ASAH2: variants seen among roughly 807,000 people sequenced by gnomAD.
ASAH2 encodes the protein neutral ceramidase.
ASAH2 carries 58 observed loss-of-function variants against 82.9 expected under a neutral mutation model. The ratio of observed to expected loss-of-function variants is 0.70; its 90% CI spans 0.57 to 0.87. ASAH2 has a LOEUF of 0.87. ASAH2 is among the 40% of genes least tolerant of loss of function. ASAH2 has a pLI of 0.00. For synonymous variants in ASAH2, 276 were observed against 289.7 expected, an observed-to-expected ratio of 0.95 and a Z score of 0.48; for missense variants, 779 against 834.0, an observed-to-expected ratio of 0.93 and a Z score of 0.81.
chr10:50,243,202 C>T lies in ASAH2; in HGVS notation c.510G>A (p.Glu170=). 1 of 1,613,834 alleles carries T rather than the reference C, an allele frequency of 6.2e-7. No homozygotes were observed. Among genetic ancestry groups the T allele is most frequent in the Non-Finnish European group, 8.5e-7 (1 of 1,179,876 alleles). ...IGMVSQRLRL[E]VLNRLQSKYG... ...TCATTTCTCCTCTCAAATCACTTAC[C>T]TCCAGCCTGAGCCTTTGTGATACCA... The change falls in exon 4 of 21, where the codon GAG becomes GAA. Residue 170 remains glutamate (E), a splice_region_variant and synonymous_variant. Coordinates refer to ENST00000682911, the MANE Select transcript of ASAH2 (RefSeq NM_019893.4).
chr10:50,210,923 A>C lies in ASAH2; in HGVS notation c.1333-19T>G. ...TTTTTGACTAAAGGAAAAGTTTTAA[A>C]AACAAAACAAAAATGAAAAAGACAA... On this transcript the variant is annotated intron_variant, in intron 11 of 20. Coordinates refer to ENST00000682911, the MANE Select transcript of ASAH2 (RefSeq NM_019893.4). The C allele has an allele frequency of 3.1e-6, 5 of 1,611,758 alleles. No individual in the cohort carries two copies. Among genetic ancestry groups the C allele is most frequent in the Non-Finnish European group, 4.2e-6 (5 of 1,177,894 alleles).
chr10:50,197,703 T>C (rs979359066), intron 17 of ASAH2, among the ~76,000 whole-genome samples: 6 of 151,966 alleles, frequency 3.9e-5, no homozygotes, highest in African/African-American at 1.4e-4. Context: ...ATAGCTAGTT[T>C]TAAGGTGCTT....
At chr10:50,226,991 A>G (rs1845903852) in intron 7 of ASAH2, among the ~76,000 whole-genome samples, 1 of 152,198 alleles carries the variant, frequency 6.6e-6, no homozygotes, top group African/African-American at 2.4e-5. Context: ...ATCCAAAAAA[A>G]GTAAGAGATG....
intron 16 of ASAH2, among the ~76,000 whole-genome samples, chr10:50,200,712 C>T (rs1391010405): frequency 6.6e-6 from 1 of 152,012 alleles, no homozygotes; most frequent in East Asian, 1.9e-4. Context: ...CATTATGCCC[C>T]AGAAAGTGGC....
chr10:50,205,050 T>C, intron 13 of ASAH2, 95 bp from the exon 14 acceptor site: 1 of 815,422 alleles, frequency 1.2e-6, no homozygotes. Flanking sequence ...TAGTTTCTAA[T>C]TTATGATGTA....
chr10:50,250,091 C>T (rs986316), intron 1 of ASAH2, among the ~76,000 whole-genome samples: 8,543 of 152,212 alleles, frequency 0.056, 468 homozygotes, highest in African/African-American at 0.13. Flanking sequence ...TAAAATAATT[C>T]GTAAAATATG....
At chr10:50,208,110 C>T (rs1464631203) in intron 12 of ASAH2, among the ~76,000 whole-genome samples, 1 of 151,772 alleles carries the variant, frequency 6.6e-6, no homozygotes, top group African/African-American at 2.4e-5. Flanking sequence ...AAAACTAATA[C>T]CATTTTATGA....
chr10:50,245,086 C>T lies in ASAH2; in HGVS notation c.360+136G>A, dbSNP rs1174174817. On this transcript the variant is annotated intron_variant, in intron 3 of 20. Coordinates refer to ENST00000682911, the MANE Select transcript of ASAH2 (RefSeq NM_019893.4). ...TCCTTCTAGTATGAAATTCATAGTG[C>T]TAGACAGCAGCAAGGTCAATTAAAA... 5 of 782,180 alleles carry T rather than the reference C, an allele frequency of 6.4e-6. No homozygotes were observed. The Admixed American group carries it at 9.3e-5, about 15-fold the overall frequency. The allele number at this position is 782,180 out of a possible 1,614,324, so 48.5% of individuals were successfully genotyped here.
At chr10:50,250,436 T>C (rs2133238904) in intron 1 of ASAH2, among the ~76,000 whole-genome samples, 1 of 152,298 alleles carries the variant, frequency 6.6e-6, no homozygotes, top group Non-Finnish European at 1.5e-5. Flanking sequence ...CAGGGACAAC[T>C]TCAAATGTGG....
chr10:50,215,871 T>C (rs1053582556), intron 8 of ASAH2, among the ~76,000 whole-genome samples: 2 of 152,192 alleles, frequency 1.3e-5, no homozygotes, highest in African/African-American at 4.8e-5. Flanking sequence ...CGTATGTTTA[T>C]TGCAGCACTA....
intron 16 of ASAH2, among the ~76,000 whole-genome samples, chr10:50,200,532 G>C (rs1449835261): frequency 2.0e-5 from 3 of 151,940 alleles, no homozygotes; most frequent in East Asian, 1.9e-4. Flanking sequence ...ACATCTTCCT[G>C]AACAGTCCCA....
chr10:50,230,738 G>T (rs1306164958), intron 7 of ASAH2, among the ~76,000 whole-genome samples: 1 of 152,048 alleles, frequency 6.6e-6, no homozygotes, highest in Admixed American at 6.6e-5. Context: ...TTCTGTTCCA[G>T]TTATTAAATG....
At chr10:50,217,818 C>T (rs1388150230) in intron 8 of ASAH2, among the ~76,000 whole-genome samples, 1 of 152,092 alleles carries the variant, frequency 6.6e-6, no homozygotes, top group Non-Finnish European at 1.5e-5. Context: ...GGACTCTTAT[C>T]CCATTATATA....
intron 4 of ASAH2, chr10:50,240,411 A>G: frequency 1.4e-6 from 1 of 701,466 alleles, no homozygotes; most frequent in South Asian, 1.5e-5. Flanking sequence ...ATCTCTTTAA[A>G]GAATCTGCTA....
chr10:50,220,531 A>G (rs1437326794), intron 7 of ASAH2, among the ~76,000 whole-genome samples: 2 of 152,012 alleles, frequency 1.3e-5, no homozygotes, highest in African/African-American at 4.8e-5. Context: ...CAAACACAGG[A>G]ACAGAAAACC....
Position 50,243,290 on chromosome 10 carries a change from G to A in ASAH2, c.422C>T (p.Ala141Val). ...CCCATCAGGTTCTGCCATGATGAAGGCACGACTGTATAGCCTGGTGAGGAT... is the reference window on the plus strand; with the variant it reads ...CCCATCAGGTTCTGCCATGATGAAGACACGACTGTATAGCCTGGTGAGGAT... ...QGILTRLYSR[A>V]FIMAEPDGSN... Residue 141 changes from alanine (A) to valine (V), a missense_variant, in exon 4 of 21, where the codon GCC (alanine) becomes GTC (valine). Transcript: ENST00000682911. 1 of 1,614,102 alleles carries A rather than the reference G, an allele frequency of 6.2e-7. No individual in the cohort carries two copies. The highest frequency in any genetic ancestry group is 8.5e-7 in the Non-Finnish European group (1 of 1,180,000).
intron 4 of ASAH2, among the ~76,000 whole-genome samples, chr10:50,242,973 G>A (rs180974037): frequency 9.0e-4 from 137 of 152,280 alleles, no homozygotes; most frequent in Non-Finnish European, 1.6e-3. Flanking sequence ...TAATGATGAT[G>A]AGTCATCAGC....
chr10:50,195,789 G>A (rs1169498063), intron 18 of ASAH2, among the ~76,000 whole-genome samples: 1 of 151,758 alleles, frequency 6.6e-6, no homozygotes, highest in Non-Finnish European at 1.5e-5. Flanking sequence ...AAATAAGCCA[G>A]GTACAGAAAG....
At chr10:50,244,391 C>G (rs962244529) in intron 3 of ASAH2, among the ~76,000 whole-genome samples, 21 of 152,200 alleles carry the variant, frequency 1.4e-4, no homozygotes, top group African/African-American at 5.1e-4. Flanking sequence ...CTTTAGAATG[C>G]CCCCTCTACT....
Sources: gnomAD v4.1 joint callset for allele counts (sites outside exome capture counted in the v4.1 genomes callset) on GRCh38, gnomAD v4.1.1 for gene constraint, MANE v1.5 for transcripts, NCBI Gene and HGNC (gene_info 2026-07-23, HGNC 2026-07-21) for gene names.